The following SKAP1 variants were observed in gnomAD, a reference collection of about 807,000 sequenced individuals.
SKAP1 encodes src kinase associated phosphoprotein 1, also known as src kinase-associated phosphoprotein 1.
Under a neutral mutation model 58.5 loss-of-function variants are expected in SKAP1, and 44 were observed. That is an observed-to-expected ratio of 0.75 (90% CI 0.59 to 0.97). The LOEUF is 0.97. Among genes scored for constraint, SKAP1 ranks in the 50% least tolerant of loss-of-function variants. The pLI is 0.00. For synonymous variants in SKAP1, 127 were observed against 149.7 expected (o/e 0.85, Z 1.11); for missense variants, 390 against 435.2 (o/e 0.90, Z 0.92).
At chr17:48,408,095 T>G (rs780497704) in intron 1 of SKAP1, among the ~76,000 whole-genome samples, 6 of 152,190 alleles carry the variant, frequency 3.9e-5, no homozygotes, top group Non-Finnish European at 7.3e-5. Context: ...TGCTTTTAAT[T>G]TCTTTCTTTG....
chr17:48,224,055 G>GGAA (rs2065037691), intron 4 of SKAP1, among the ~76,000 whole-genome samples: 1 of 58,872 alleles, frequency 1.7e-5, no homozygotes, highest in African/African-American at 6.6e-5. Context: ...AGGAGGAGGA[G>GGAA]GAGGAGGAGG....
At chr17:48,271,826 T>G (rs1222292507) in intron 4 of SKAP1, among the ~76,000 whole-genome samples, 1 of 152,202 alleles carries the variant, frequency 6.6e-6, no homozygotes, top group Non-Finnish European at 1.5e-5. Flanking sequence ...CTTAGGGGAT[T>G]CTGATACATG....
chr17:48,400,131 C>T (rs1327821333), intron 1 of SKAP1, among the ~76,000 whole-genome samples: 3 of 148,056 alleles, frequency 2.0e-5, no homozygotes, highest in Non-Finnish European at 4.4e-5. Context: ...CGGAGTCTCA[C>T]TCTGCCTCCC....
chr17:48,155,105 CATG>C (rs1201674639), intron 11 of SKAP1, among the ~76,000 whole-genome samples: 11 of 150,490 alleles, frequency 7.3e-5, no homozygotes, highest in Admixed American at 4.6e-4. Flanking sequence ...GTGGAACAAG[CATG>C]ATGATGATGA....
intron 4 of SKAP1, among the ~76,000 whole-genome samples, chr17:48,230,084 T>G (rs79887001): frequency 6.6e-6 from 1 of 152,014 alleles, no homozygotes; most frequent in Non-Finnish European, 1.5e-5. Flanking sequence ...AATGCCCCTT[T>G]GGTTAGAATG....
chr17:48,297,466 G>A, intron 4 of SKAP1, among the ~76,000 whole-genome samples: 1 of 152,118 alleles, frequency 6.6e-6, no homozygotes, highest in South Asian at 2.1e-4. Flanking sequence ...AGTTAGGAAT[G>A]GGGCAAAACA....
chr17:48,197,876 T>C (rs2064660721), intron 4 of SKAP1, among the ~76,000 whole-genome samples: 1 of 152,192 alleles, frequency 6.6e-6, no homozygotes. Flanking sequence ...CTAGGAGACC[T>C]GTGGTCTTGC....
At chr17:48,357,499 G>A (rs190669837) in intron 3 of SKAP1, among the ~76,000 whole-genome samples, 2 of 151,976 alleles carry the variant, frequency 1.3e-5, no homozygotes, top group East Asian at 3.9e-4. Context: ...GCGTGGTGGC[G>A]GGCGCCTGTA....
intron 4 of SKAP1, among the ~76,000 whole-genome samples, chr17:48,258,511 G>C (rs558988225): frequency 1.3e-5 from 2 of 152,214 alleles, no homozygotes; most frequent in South Asian, 4.1e-4. Flanking sequence ...GTAATGCACT[G>C]CATGTTAACA....
chr17:48,273,751 C>G (rs1261754910), intron 4 of SKAP1, among the ~76,000 whole-genome samples: 1 of 151,952 alleles, frequency 6.6e-6, no homozygotes, highest in Non-Finnish European at 1.5e-5. Flanking sequence ...ATTCTATCTC[C>G]CCTTTTGTAT....
chr17:48,203,671 G>T (rs2143626585), intron 4 of SKAP1: 1 of 152,292 alleles, frequency 6.6e-6, no homozygotes, highest in South Asian at 2.1e-4. Context: ...CAGGGGCAGA[G>T]AAGTTTATTA....
intron 11 of SKAP1, 97 bp downstream of exon 11, chr17:48,162,372 T>C: frequency 1.5e-6 from 1 of 652,020 alleles, no homozygotes. Context: ...GAGGGAGCCA[T>C]GGGAAGTGTA....
At chr17:48,430,716 C>A (rs1340178355), upstream of SKAP1, among the ~76,000 whole-genome samples, 1 of 152,204 alleles carries the variant, frequency 6.6e-6, no homozygotes. Flanking sequence ...AATATAAGGA[C>A]ACCAACATTT....
chr17:48,319,316 G>A (rs1349598882), intron 4 of SKAP1, among the ~76,000 whole-genome samples: 1 of 152,050 alleles, frequency 6.6e-6, no homozygotes, highest in African/African-American at 2.4e-5. Context: ...CCTCTAGCAT[G>A]ACATTTAAAT....
chr17:48,318,722 C>T (rs1375907258), intron 4 of SKAP1, among the ~76,000 whole-genome samples: 1 of 152,010 alleles, frequency 6.6e-6, no homozygotes, highest in African/African-American at 2.4e-5. Flanking sequence ...TAAAAATTAG[C>T]CAGGCATGGC....
intron 11 of SKAP1, among the ~76,000 whole-genome samples, chr17:48,155,400 G>A (rs1055302155): frequency 6.6e-6 from 1 of 151,668 alleles, no homozygotes; most frequent in Non-Finnish European, 1.5e-5. Context: ...AGTGCTGGGT[G>A]AGCCACCACG....
chr17:48,359,617 G>A (rs1479217176), intron 3 of SKAP1, among the ~76,000 whole-genome samples: 1 of 152,022 alleles, frequency 6.6e-6, no homozygotes, highest in Non-Finnish European at 1.5e-5. Flanking sequence ...TTCTTTGTTT[G>A]TGTGTTTGGG....
intron 4 of SKAP1, among the ~76,000 whole-genome samples, chr17:48,267,351 T>C (rs2065565240): frequency 6.6e-6 from 1 of 152,210 alleles, no homozygotes; most frequent in South Asian, 2.1e-4. Context: ...AAAATAATGT[T>C]GAACAAAAGG....
intron 4 of SKAP1, among the ~76,000 whole-genome samples, chr17:48,293,335 T>C (rs2065922462): frequency 6.6e-6 from 1 of 152,204 alleles, no homozygotes. Flanking sequence ...TCTTCAGAAC[T>C]ATGTGTGGTG....
Sources: gnomAD v4.1 joint callset for allele counts (sites outside exome capture counted in the v4.1 genomes callset) on GRCh38, gnomAD v4.1.1 for gene constraint, MANE v1.5 for transcripts, NCBI Gene and HGNC (gene_info 2026-07-23, HGNC 2026-07-21) for gene names.